Variants in SKIC3 observed in about 807,000 individuals in gnomAD.
SKIC3 encodes the protein superkiller complex protein 3.
At chr5:95,516,331 G>T in the SKIC3 span, 1 of 1,612,118 alleles carries the variant, frequency 6.2e-7, no homozygotes, top group South Asian at 1.1e-5. Flanking sequence ...TTTTAAATAT[G>T]ACAGACAGGC....
At chr5:95,552,186 C>G in the SKIC3 span, among the ~76,000 whole-genome samples, 1 of 152,050 alleles carries the variant, frequency 6.6e-6, no homozygotes, top group African/African-American at 2.4e-5. Context: ...TGTAACCCAC[C>G]ATAAGAAGCA....
the SKIC3 span, among the ~76,000 whole-genome samples, chr5:95,509,348 A>T: frequency 6.6e-6 from 1 of 152,114 alleles, no homozygotes; most frequent in Non-Finnish European, 1.5e-5. Flanking sequence ...ATTGGGTGAA[A>T]AGGAAAAAAG....
the SKIC3 span, among the ~76,000 whole-genome samples, chr5:95,465,602 A>G: frequency 6.6e-6 from 1 of 152,236 alleles, no homozygotes; most frequent in Admixed American, 6.5e-5. Flanking sequence ...CAGGATTTTT[A>G]GGTCACAGAG....
At chr5:95,514,699 G>C in the SKIC3 span, among the ~76,000 whole-genome samples, 1 of 152,170 alleles carries the variant, frequency 6.6e-6, no homozygotes, top group African/African-American at 2.4e-5. Context: ...ATGATTGATA[G>C]ATTAACTGAA....
the SKIC3 span, among the ~76,000 whole-genome samples, chr5:95,480,045 C>G: frequency 2.0e-5 from 3 of 151,892 alleles, no homozygotes; most frequent in African/African-American, 7.3e-5. Flanking sequence ...ATGTTAATTA[C>G]GGGTAAAAAT....
At chr5:95,490,441 ATGT>A in the SKIC3 span, among the ~76,000 whole-genome samples, 16 of 147,282 alleles carry the variant, frequency 1.1e-4, no homozygotes, top group African/African-American at 4.0e-4. Flanking sequence ...TCATTAAATA[ATGT>A]ATATATATAT....
At chr5:95,517,818 T>C in the SKIC3 span, among the ~76,000 whole-genome samples, 2 of 151,982 alleles carry the variant, frequency 1.3e-5, no homozygotes, top group Non-Finnish European at 2.9e-5. Flanking sequence ...AGGACAACAA[T>C]GTTGAGAAGT....
chr5:95,506,846 G>T, the SKIC3 span: 2 of 1,299,770 alleles, frequency 1.5e-6, no homozygotes, highest in South Asian at 1.2e-5. Flanking sequence ...CAGTATTCTA[G>T]GAACTAGTCA....
At chr5:95,529,175 C>G in the SKIC3 span, 1 of 1,285,726 alleles carries the variant, frequency 7.8e-7, no homozygotes, top group Non-Finnish European at 1.1e-6. Context: ...AATGCCTACT[C>G]TCCAAATCAG....
the SKIC3 span, among the ~76,000 whole-genome samples, chr5:95,554,556 T>C: frequency 2.6e-4 from 39 of 152,350 alleles, no homozygotes; most frequent in African/African-American, 8.9e-4. Flanking sequence ...TGCTTTCCCC[T>C]GCCTACAGCC....
At chr5:95,539,233 A>G in the SKIC3 span, among the ~76,000 whole-genome samples, 1,856 of 152,260 alleles carry the variant, frequency 0.012, 39 homozygotes, top group African/African-American at 0.042. Flanking sequence ...ATCAATAAGG[A>G]GCTTAAACAA....
chr5:95,536,473 C>A, the SKIC3 span: 2 of 256,782 alleles, frequency 7.8e-6, no homozygotes, highest in Non-Finnish European at 1.5e-5. Context: ...AAAAAATGCA[C>A]CTAGCTCCAC....
At chr5:95,492,677 A>AAAAAAAAAAAAAAAAAAAAAAC in the SKIC3 span, among the ~76,000 whole-genome samples, 2 of 140,266 alleles carry the variant, frequency 1.4e-5, no homozygotes, top group Non-Finnish European at 3.1e-5. Flanking sequence ...AAAAAAAAAA[A>AAAAAAAAAAAAAAAAAAAAAAC]AAAAAAAAAA....
chr5:95,495,103 A>G, the SKIC3 span: 2 of 1,281,998 alleles, frequency 1.6e-6, no homozygotes, highest in Non-Finnish European at 2.3e-6. Flanking sequence ...CCTTTCCACT[A>G]AATCACTGGA....
chr5:95,493,887 T>C, the SKIC3 span, among the ~76,000 whole-genome samples: 1 of 152,022 alleles, frequency 6.6e-6, no homozygotes, highest in Non-Finnish European at 1.5e-5. Context: ...CTATGGCATT[T>C]TTCCAGTAGT....
the SKIC3 span, among the ~76,000 whole-genome samples, chr5:95,470,723 T>G: frequency 2.7e-3 from 414 of 152,206 alleles, 4 homozygotes; most frequent in African/African-American, 9.7e-3. Flanking sequence ...TTTTTAAAAA[T>G]TTTACTTTAT....
the SKIC3 span, among the ~76,000 whole-genome samples, chr5:95,483,848 C>T: frequency 6.6e-6 from 1 of 152,152 alleles, no homozygotes; most frequent in Non-Finnish European, 1.5e-5. Flanking sequence ...GCCCTCCAAT[C>T]CTGGCATGTA....
the SKIC3 span, among the ~76,000 whole-genome samples, chr5:95,487,788 T>C: frequency 1.3e-5 from 2 of 151,988 alleles, no homozygotes; most frequent in African/African-American, 4.8e-5. Flanking sequence ...AGCAAGGAAA[T>C]ATGACACTTC....
At chr5:95,464,604 A>G in the SKIC3 span, 85 of 1,608,648 alleles carry the variant, frequency 5.3e-5, no homozygotes, top group Admixed American at 8.5e-4. Context: ...AAATAATCCA[A>G]TGTTATTGTG....
Sources: allele counts gnomAD v4.1 joint callset (sites outside exome capture counted in the v4.1 genomes callset), GRCh38; gene constraint gnomAD v4.1.1; transcripts MANE v1.5; gene names NCBI Gene and HGNC (gene_info 2026-07-23, HGNC 2026-07-21).